The following IL1RAPL2 variants were observed in gnomAD, a reference collection of about 807,000 sequenced individuals.
IL1RAPL2 encodes the protein X-linked interleukin-1 receptor accessory protein-like 2.
In IL1RAPL2, 3 loss-of-function variants were observed where a neutral mutation model predicts 44.1. The ratio of observed to expected loss-of-function variants is 0.07; its 90% confidence interval spans 0.03 to 0.18. The LOEUF is 0.18. IL1RAPL2 is among the 10% of genes least tolerant of loss of function. The pLI is 1.00. For synonymous variants in IL1RAPL2, 181 were observed against 178.8 expected (o/e 1.01, Z -0.10); for missense variants, 391 against 496.4 (o/e 0.79, Z 2.02).
In IL1RAPL2 at chrX:104,939,837, G is replaced by A. The variant is rs1051458607; in HGVS notation, c.83-255638G>A. Among the ~76,000 whole-genome samples the A allele has an allele frequency of 3.6e-5, 4 of 111,754 alleles. No homozygotes were observed. In the Admixed American group the frequency reaches 3.8e-4, roughly 11 times the overall value. Reference sequence around the variant, plus strand: ...AAAACATGTTAAGTAAAAGAAGCCAGTAACCTACACCGTATATTATCTGAT... The same window carrying A: ...AAAACATGTTAAGTAAAAGAAGCCAATAACCTACACCGTATATTATCTGAT... On this transcript the variant is annotated intron_variant, in intron 2 of 10. Coordinates refer to ENST00000372582, the MANE Select transcript of IL1RAPL2 (RefSeq NM_017416.2).
rs188824753 is a variant in IL1RAPL2 at position 105,741,481 on chromosome X, T to C, written c.1048+790T>C. Among the ~76,000 whole-genome samples the C allele has an allele frequency of 3.6e-5, 4 of 111,746 alleles. No individual in the cohort carries two copies. In the Admixed American group the frequency reaches 3.8e-4, roughly 11 times the overall value. ...AACAAATGTTCTCAATCAGTGTTCT[T>C]GTTGCCCACGTTTTAGAGCAATAAT... On this transcript the variant is annotated intron_variant, in intron 8 of 10. Coordinates refer to ENST00000372582, the MANE Select transcript of IL1RAPL2 (RefSeq NM_017416.2).
intron 1 of IL1RAPL2, among the ~76,000 whole-genome samples, chrX:104,587,066 A>G (rs761031755): frequency 9.0e-6 from 1 of 111,446 alleles, no homozygotes; most frequent in South Asian, 3.8e-4. Flanking sequence ...AGGTGCCCTA[A>G]AATAAATTTC....
chrX:105,089,497 G>A (rs2032516601), intron 2 of IL1RAPL2, among the ~76,000 whole-genome samples: 1 of 110,237 alleles, frequency 9.1e-6, no homozygotes, highest in Non-Finnish European at 1.9e-5. Context: ...CTACGTCAAT[G>A]CCCTAAAAAA....
At position 104,876,716 on chromosome X, in the gene IL1RAPL2, C is replaced by A. The variant is rs1272730853; in HGVS notation, c.82+217721C>A. Among the ~76,000 whole-genome samples the A allele has an allele frequency of 1.3e-4, 6 of 44,471 alleles. No homozygotes were observed. The East Asian group carries it at 2.8e-3, about 21-fold the overall frequency. The allele number at this position is 44,471 out of a possible 115,157, so 38.6% of individuals were successfully genotyped here. A position where few individuals can be genotyped will look rare whatever the true frequency, so the allele number is the denominator to read the frequency against. Reference sequence around the variant, plus strand: ...TTTATTTTTTTCTCTGTAACAATTTCTTTTATTATTATTATTATTATTATT... The same window carrying A: ...TTTATTTTTTTCTCTGTAACAATTTATTTTATTATTATTATTATTATTATT... On this transcript the variant is annotated intron_variant, in intron 2 of 10. Coordinates refer to ENST00000372582, the MANE Select transcript of IL1RAPL2 (RefSeq NM_017416.2).
intron 4 of IL1RAPL2, among the ~76,000 whole-genome samples, chrX:105,250,442 A>C (rs1022084358): frequency 3.6e-5 from 4 of 111,238 alleles, no homozygotes; most frequent in African/African-American, 1.3e-4. Context: ...TTATCACATT[A>C]ATGCAAAATG....
intron 5 of IL1RAPL2, among the ~76,000 whole-genome samples, chrX:105,381,898 G>T (rs1395373206): frequency 8.9e-6 from 1 of 111,851 alleles, no homozygotes; most frequent in Non-Finnish European, 1.9e-5. Flanking sequence ...AATGGTGCTG[G>T]GAAAACTGGC....
intron 1 of IL1RAPL2, among the ~76,000 whole-genome samples, chrX:104,585,266 ATATAT>A (rs1234956291): frequency 2.1e-3 from 41 of 19,074 alleles, no homozygotes; most frequent in East Asian, 9.5e-3. Context: ...TATATATATA[ATATAT>A]TATATATATT....
chrX:104,678,437 T>C (rs984645856), intron 2 of IL1RAPL2, among the ~76,000 whole-genome samples: 3 of 111,845 alleles, frequency 2.7e-5, no homozygotes, highest in African/African-American at 9.8e-5. Context: ...TAGGAAGGCC[T>C]GATTTTTATC....
chrX:105,036,544 A>G (rs2031632193), intron 2 of IL1RAPL2, among the ~76,000 whole-genome samples: 2 of 111,898 alleles, frequency 1.8e-5, no homozygotes, highest in Admixed American at 9.5e-5. Context: ...ACCATTTACT[A>G]AAATAAAATA....
intron 2 of IL1RAPL2, among the ~76,000 whole-genome samples, chrX:105,143,116 C>A (rs1463802377): frequency 9.0e-6 from 1 of 111,368 alleles, no homozygotes; most frequent in African/African-American, 3.3e-5. Flanking sequence ...AACTAAAGAG[C>A]TTCTGCACAG....
At chrX:105,002,677 A>G (rs2147736969) in intron 2 of IL1RAPL2, among the ~76,000 whole-genome samples, 1 of 109,172 alleles carries the variant, frequency 9.2e-6, no homozygotes, top group Non-Finnish European at 1.9e-5. Flanking sequence ...CATTATCCCA[A>G]CCCCCCTAAT....
chrX:105,604,270 GA>G (rs998775728), intron 6 of IL1RAPL2, among the ~76,000 whole-genome samples: 1 of 110,173 alleles, frequency 9.1e-6, no homozygotes, highest in Non-Finnish European at 1.9e-5. Flanking sequence ...GCTAGACTAA[GA>G]AAAAAAGAGA....
At chrX:105,649,076 C>G (rs2037625922) in intron 6 of IL1RAPL2, among the ~76,000 whole-genome samples, 1 of 111,422 alleles carries the variant, frequency 9.0e-6, no homozygotes, top group Non-Finnish European at 1.9e-5. Flanking sequence ...TAGTGTACAT[C>G]CAATATGCAA....
intron 2 of IL1RAPL2, among the ~76,000 whole-genome samples, chrX:104,961,906 G>A (rs183848274): frequency 2.7e-5 from 3 of 112,321 alleles, no homozygotes; most frequent in Non-Finnish European, 3.8e-5. Context: ...TGTGCTTACC[G>A]CATGATTACC....
At chrX:104,810,918 A>G (rs1932971698) in intron 2 of IL1RAPL2, among the ~76,000 whole-genome samples, 1 of 112,346 alleles carries the variant, frequency 8.9e-6, no homozygotes, top group Admixed American at 9.4e-5. Flanking sequence ...AGTATCCACT[A>G]TTCCTAATTG....
chrX:104,674,775 T>A (rs1477320855), intron 2 of IL1RAPL2, among the ~76,000 whole-genome samples: 1 of 110,743 alleles, frequency 9.0e-6, no homozygotes, highest in Non-Finnish European at 1.9e-5. Flanking sequence ...CAATTTCAGA[T>A]CCTGTTATTG....
chrX:105,752,200 TCA>T (rs199910972), intron 9 of IL1RAPL2, among the ~76,000 whole-genome samples: 30 of 108,473 alleles, frequency 2.8e-4, no homozygotes, highest in East Asian at 2.9e-4. Flanking sequence ...AACACTGCAG[TCA>T]CACACACACA....
At chrX:105,241,653 C>T in intron 4 of IL1RAPL2, among the ~76,000 whole-genome samples, 1 of 111,836 alleles carries the variant, frequency 8.9e-6, no homozygotes, top group Non-Finnish European at 1.9e-5. Flanking sequence ...TAGATCAGTG[C>T]TCTAAGAAAA....
chrX:104,723,153 T>C (rs1183182759), intron 2 of IL1RAPL2, among the ~76,000 whole-genome samples: 2 of 111,034 alleles, frequency 1.8e-5, no homozygotes, highest in Non-Finnish European at 3.8e-5. Flanking sequence ...TTTGAATTGG[T>C]ACCCATGATC....
Sources: gnomAD v4.1 joint callset for allele counts (sites outside exome capture counted in the v4.1 genomes callset) on GRCh38, gnomAD v4.1.1 for gene constraint, MANE v1.5 for transcripts, NCBI Gene and HGNC (gene_info 2026-07-23, HGNC 2026-07-21) for gene names.